SCNN1D: variants seen among roughly 807,000 people sequenced by gnomAD.
The protein encoded by SCNN1D is epithelial sodium channel subunit delta.
Under a neutral mutation model 87.8 loss-of-function variants are expected in SCNN1D, and 104 were observed. The observed-to-expected ratio is 1.18, with a 90% CI of 1.01 to 1.39. The LOEUF is 1.39. Among genes scored for constraint, SCNN1D ranks in the 40% most tolerant of loss-of-function variants. SCNN1D has a pLI of 0.00. For missense variants in SCNN1D, 1,324 were observed against 1,093.9 expected, an observed-to-expected ratio of 1.21 and a Z score of -2.97; for synonymous variants, 628 against 481.2, an observed-to-expected ratio of 1.31 and a Z score of -3.99.
intron 3 of SCNN1D, chr1:1,282,039 T>G: frequency 1.7e-6 from 1 of 596,520 alleles, no homozygotes; most frequent in Non-Finnish European, 3.1e-6. Context: ...GCTGCCCAGA[T>G]GTGGTGGGGG....
chr1:1,286,623 C>T (rs1011675018), intron 7 of SCNN1D, 145 bp from the exon 8 acceptor site: 1 of 790,840 alleles, frequency 1.3e-6, no homozygotes, highest in African/African-American at 1.7e-5. Context: ...CAGCCACGGC[C>T]TCCAACTCCA....
At chr1:1,283,831 G>C (rs1268108846) in intron 4 of SCNN1D, 147 bp from the exon 5 acceptor site, 3 of 448,576 alleles carry the variant, frequency 6.7e-6, no homozygotes, top group Admixed American at 4.9e-5. Flanking sequence ...GCAGGGCTCA[G>C]GATGGGAAAG....
At position 1,290,502 on chromosome 1, in the gene SCNN1D, G is replaced by A. The variant is rs1570613598; in HGVS notation, c.1806G>A (p.Gln602=). The change falls in exon 14 of 18, where the codon CAG becomes CAA. Residue 602 remains glutamine (Q), a synonymous_variant. Coordinates refer to ENST00000379116, the MANE Select transcript of SCNN1D (RefSeq NM_001130413.4). ...AWGHCFYRLY[Q]DLETHRLPCT... ...GACACTGCTTCTACCGCCTCTACCAGGACCTGGAGACCCACCGGCTCCCCT... is the reference window on the plus strand; with the variant it reads ...GACACTGCTTCTACCGCCTCTACCAAGACCTGGAGACCCACCGGCTCCCCT... 6.2e-7 allele frequency: 1 copy of A among 1,612,644 alleles called. No individual in the cohort carries two copies.
At chr1:1,291,181 G>A (rs371871710) in intron 17 of SCNN1D, 41 bp downstream of exon 17, 121 of 1,597,854 alleles carry the variant, frequency 7.6e-5, no homozygotes, top group East Asian at 1.6e-4. Context: ...CGGGGGCAGC[G>A]ACAGTGGCTG....
In SCNN1D at chr1:1,290,341, T is replaced by A. The variant is rs757417592; in HGVS notation, c.1733T>A (p.Leu578Gln). 6.3e-7 allele frequency: 1 copy of A among 1,596,704 alleles called. No homozygotes were observed. Among genetic ancestry groups the A allele is most frequent in the Non-Finnish European group, 8.5e-7 (1 of 1,169,936 alleles). Residue 578 changes from leucine to glutamine, a missense_variant, in exon 13 of 18, where the codon CTG becomes CAG. By Grantham distance (113) the Leu-to-Gln change is moderately radical (BLOSUM62 -2). Transcript: ENST00000379116. ...TCCTGTGGCTACTACCTCCACCCTC[T>A]GCCGGCGGGGGCTGAGTACTGCAGC... is the stretch of plus-strand genomic sequence containing the variant. ...TCSCGYYLHP[L>Q]PAGAEYCSSA...
rs1640589118 is a variant in SCNN1D, at chr1:1,286,273, A to C, written c.906A>C (p.Pro302=). 2.5e-6 allele frequency: 4 copies of C among 1,578,866 alleles called. No homozygotes were observed. In the South Asian group the frequency reaches 4.5e-5, roughly 18 times the overall value. The change falls in exon 7 of 18, where the codon CCA becomes CCC. Residue 302 remains proline, a synonymous_variant. Coordinates refer to ENST00000379116, the MANE Select transcript of SCNN1D (RefSeq NM_001130413.4). The part of the protein sequence containing the change: ...LPLVTLCDGN[P]RRPSPVLRHL... ...TGGTCACCCTGTGTGACGGGAACCC[A>C]CGTCGGTGAGGGCCAGGGCTGTCGG...
At position 1,290,507 on chromosome 1, in the gene SCNN1D, T is replaced by A. The variant is rs565588745; in HGVS notation, c.1811T>A (p.Leu604Gln). 1.7e-5 allele frequency: 28 copies of A among 1,612,666 alleles called. No homozygotes were observed. In the Admixed American group the frequency reaches 2.5e-4, roughly 14 times the overall value. The stretch of plus-strand genomic sequence containing the variant: ...TGCTTCTACCGCCTCTACCAGGACC[T>A]GGAGACCCACCGGCTCCCCTGTACC... ...GHCFYRLYQD[L>Q]ETHRLPCTSR... Residue 604 changes from leucine to glutamine, a missense_variant, in exon 14 of 18, where the codon CTG becomes CAG. Leu to Gln is a moderately radical substitution (Grantham distance 113). Coordinates refer to ENST00000379116, the MANE Select transcript of SCNN1D (RefSeq NM_001130413.4).
rs942785583 is a variant in SCNN1D, at chr1:1,281,483, C to G, written c.150C>G (p.Pro50=). 6.6e-7 allele frequency: 1 copy of G among 1,526,074 alleles called. No homozygotes were observed. The highest frequency in any genetic ancestry group is 1.4e-5 in the African/African-American group (1 of 72,978). 94.5% of individuals were successfully genotyped at this position (1,526,074 alleles called of 1,614,324 possible). ...CRELGSPHPT[P]CTGPARGWPR... ...AGCTGGGTTCGCCCCACCCCACCCC[C>G]TGCACCGGGCCAGCGAGGGGATGGC... Residue 50 remains proline (P), a synonymous_variant, in exon 3 of 18, where the codon CCC becomes CCG. Coordinates refer to ENST00000379116, the MANE Select transcript of SCNN1D (RefSeq NM_001130413.4).
chr1:1,282,147 C>A, intron 3 of SCNN1D, 95 bp from the exon 4 acceptor site: 1 of 769,330 alleles, frequency 1.3e-6, no homozygotes, highest in Non-Finnish European at 2.2e-6. Flanking sequence ...TGGAGAGGCA[C>A]CCCAGCCCCA....
At chr1:1,288,069 A>C in intron 12 of SCNN1D, 32 bp downstream of exon 12, 1 of 650,042 alleles carries the variant, frequency 1.5e-6, no homozygotes. Flanking sequence ...GTGCGGGGGC[A>C]GGTGAGGCTG....
chr1:1,288,309 T>TCCCCCGTGTCTCTGCCCCGTCC (rs202231674), intron 12 of SCNN1D, among the ~76,000 whole-genome samples: 1 of 59,758 alleles, frequency 1.7e-5, no homozygotes, highest in Admixed American at 2.1e-4. Context: ...GTCTGCTCCG[T>TCCCCCGTGTCTCTGCCCCGTCC]CCCGTGTCCC....
At position 1,281,880 on chromosome 1, in the gene SCNN1D, C is replaced by G. The variant is rs1296631466; in HGVS notation, c.277+270C>G. The stretch of plus-strand genomic sequence containing the variant: ...GCACCCTGCACCAAGGCTGGGCTGT[C>G]TGCCAGGCCACTCCCGGGGACACAG... On this transcript the variant is annotated intron_variant, in intron 3 of 17. Transcript: ENST00000379116. The G allele has an allele frequency of 7.0e-6, 4 of 569,330 alleles. No homozygotes were observed. The East Asian group carries it at 1.2e-4, about 17-fold the overall frequency. The allele number at this position is 569,330 out of a possible 1,614,324, so 35.3% of individuals were successfully genotyped here. A position where few individuals can be genotyped will look rare whatever the true frequency, so the allele number is the denominator to read the frequency against.
At chr1:1,285,714 A>G in intron 6 of SCNN1D, 50 bp downstream of exon 6, 1 of 1,403,064 alleles carries the variant, frequency 7.1e-7, no homozygotes, top group African/African-American at 1.5e-5. Context: ...CAGCAGCCCA[A>G]ACTCAAACTC....
rs376989533 is a variant in SCNN1D, at chr1:1,286,760, C to G, written c.912-8C>G. On this transcript the variant is annotated splice_polypyrimidine_tract_variant and splice_region_variant and intron_variant, in intron 7 of 17. Coordinates refer to ENST00000379116, the MANE Select transcript of SCNN1D (RefSeq NM_001130413.4). The stretch of plus-strand genomic sequence containing the variant: ...CGGCAACTCTGACTCCAGGGCCCTG[C>G]GTCCCAGGCCGAGTCCGGTCCTCCG... 4.3e-6 allele frequency: 7 copies of G among 1,611,256 alleles called. No homozygotes were observed. Among genetic ancestry groups the G allele is most frequent in the Middle Eastern group, 1.6e-4 (1 of 6,082 alleles).
intron 9 of SCNN1D, 48 bp downstream of exon 9, chr1:1,287,347 C>A (rs374368968): frequency 1.3e-6 from 2 of 1,512,708 alleles, no homozygotes; most frequent in Non-Finnish European, 1.8e-6. Flanking sequence ...CCCCACAGAG[C>A]GTGGCCGCAC....
chr1:1,290,799 T>C, intron 15 of SCNN1D, 96 bp from the exon 16 acceptor site: 3 of 1,576,968 alleles, frequency 1.9e-6, no homozygotes, highest in Non-Finnish European at 2.6e-6. Context: ...TGACCCAGCC[T>C]ATGCCCCGTG....
In SCNN1D at chr1:1,290,273, C is replaced by T. The variant is rs745782451; in HGVS notation, c.1665C>T (p.Ala555=). Residue 555 remains alanine, a splice_region_variant and synonymous_variant, in exon 13 of 18, where the codon GCC becomes GCT. Coordinates refer to ENST00000379116, the MANE Select transcript of SCNN1D (RefSeq NM_001130413.4). ...CTGCTCATCCCCCCTGTCCCCAGGC[C>T]TGCCTGGTGTCCTGCTTCCAGCAGC... The part of the protein sequence containing the change: ...LLHNTSYTRQ[A]CLVSCFQQLM... The T allele has an allele frequency of 3.2e-6, 5 of 1,562,106 alleles. No homozygotes were observed. Among genetic ancestry groups the T allele is most frequent in the Admixed American group, 1.8e-5 (1 of 55,084 alleles).
chr1:1,280,546 G>A lies in SCNN1D; in HGVS notation c.-116G>A, dbSNP rs903731141. 26 of 657,710 alleles carry A rather than the reference G, an allele frequency of 4.0e-5. No individual in the cohort carries two copies. The highest frequency in any genetic ancestry group is 5.1e-5 in the Non-Finnish European group (18 of 353,516). The allele number at this position is 657,710 out of a possible 1,614,324, so 40.7% of individuals were successfully genotyped here. A position where few individuals can be genotyped will look rare whatever the true frequency, so the allele number is the denominator to read the frequency against. ...GCGTTGTGCAGATGAAGGTCTTATC[G>A]CAGATGAAGCCACCAGGTCACAAGC... is the stretch of plus-strand genomic sequence containing the variant. On this transcript the variant is annotated 5_prime_UTR_variant, in exon 1 of 18. Transcript: ENST00000379116.
At chr1:1,286,419 C>A in intron 7 of SCNN1D, 141 bp downstream of exon 7, 1 of 725,870 alleles carries the variant, frequency 1.4e-6, no homozygotes, top group Non-Finnish European at 2.2e-6. Context: ...GTCACTGTGA[C>A]CTCCCAAACC....
Sources: gnomAD v4.1 joint callset for allele counts (sites outside exome capture counted in the v4.1 genomes callset) on GRCh38, gnomAD v4.1.1 for gene constraint, MANE v1.5 for transcripts, NCBI Gene and HGNC (gene_info 2026-07-23, HGNC 2026-07-21) for gene names.